The following GFOD1 variants were observed in gnomAD, a reference collection of about 807,000 sequenced individuals.
GFOD1 encodes the protein Gfo/Idh/MocA-like oxidoreductase domain containing 1.
GFOD1 carries 9 observed loss-of-function variants against 25.4 expected under a neutral mutation model. The ratio of observed to expected loss-of-function variants is 0.35; its 90% CI spans 0.21 to 0.62. GFOD1 has a LOEUF of 0.62. Ranked by LOEUF, GFOD1 falls within the 20% of genes least tolerant of loss-of-function variation. The pLI, the probability that GFOD1 is intolerant of heterozygous loss-of-function variation, is 0.72. For missense variants in GFOD1, 403 were observed against 556.9 expected (o/e 0.72, Z 2.78); for synonymous variants, 253 against 245.6 (o/e 1.03, Z -0.28).
chr6:13,421,621 T>C (rs1268317372), intron 1 of GFOD1, among the ~76,000 whole-genome samples: 1 of 152,212 alleles, frequency 6.6e-6, no homozygotes, highest in South Asian at 2.1e-4. Flanking sequence ...AAAAGGCATA[T>C]GCCGCCCACC....
chr6:13,411,703 G>C (rs1039877666), intron 1 of GFOD1, among the ~76,000 whole-genome samples: 1 of 152,190 alleles, frequency 6.6e-6, no homozygotes, highest in Admixed American at 6.5e-5. Flanking sequence ...ACTGATGAAG[G>C]CCTGCCATCC....
At chr6:13,382,715 A>C (rs1217672219) in intron 1 of GFOD1, among the ~76,000 whole-genome samples, 1 of 152,220 alleles carries the variant, frequency 6.6e-6, no homozygotes, top group Non-Finnish European at 1.5e-5. Flanking sequence ...CAGGTTTGTT[A>C]CATAGGTAAA....
chr6:13,366,054 C>T (rs1785041593), intron 1 of GFOD1, among the ~76,000 whole-genome samples: 1 of 151,094 alleles, frequency 6.6e-6, no homozygotes, highest in Admixed American at 6.6e-5. Flanking sequence ...TATGTTCTGG[C>T]CACTGCACTC....
chr6:13,429,758 A>T (rs983482866), intron 1 of GFOD1, among the ~76,000 whole-genome samples: 1 of 152,222 alleles, frequency 6.6e-6, no homozygotes, highest in African/African-American at 2.4e-5. Context: ...ACCCTAGGTA[A>T]TAAGGGAAGT....
rs1331592843 is a variant in GFOD1 at position 13,364,138 on chromosome 6, C to G, written c.*605G>C. 6.5e-6 allele frequency: 1 copy of G among 152,702 alleles called. No individual in the cohort carries two copies. The highest frequency in any genetic ancestry group is 1.9e-4 in the East Asian group (1 of 5,174). 9.5% of individuals were successfully genotyped at this position (152,702 alleles called of 1,614,324 possible). A position where few individuals can be genotyped will look rare whatever the true frequency, so the allele number is the denominator to read the frequency against. On this transcript the variant is annotated 3_prime_UTR_variant, in exon 2 of 2. Transcript: ENST00000379287. This position sits in a 1 kb window ranked among gnomAD's most constrained non-coding sequence, Gnocchi z 4.1. ...ACCCTCAGTGCTTCCTATGAGGAAGCCCAATCAATCAAAAGGTGGCCACTT... is the reference window on the plus strand; with the variant it reads ...ACCCTCAGTGCTTCCTATGAGGAAGGCCAATCAATCAAAAGGTGGCCACTT...
At chr6:13,393,459 G>A (rs1411580876) in intron 1 of GFOD1, among the ~76,000 whole-genome samples, 1 of 149,228 alleles carries the variant, frequency 6.7e-6, no homozygotes, top group Non-Finnish European at 1.5e-5. Context: ...TGCCATCCTT[G>A]TAGAAAGGAC....
intron 1 of GFOD1, among the ~76,000 whole-genome samples, chr6:13,394,656 A>G (rs1177952533): frequency 6.8e-6 from 1 of 148,078 alleles, no homozygotes; most frequent in Non-Finnish European, 1.5e-5. Context: ...TTTTTTTGAG[A>G]CAGTCTCGCT....
intron 1 of GFOD1, among the ~76,000 whole-genome samples, chr6:13,375,835 A>C (rs1288684280): frequency 2.6e-5 from 4 of 152,200 alleles, no homozygotes; most frequent in Non-Finnish European, 5.9e-5. Flanking sequence ...CTAATGACGG[A>C]AACTATCACA....
At chr6:13,476,449 G>A (rs76518974) in intron 1 of GFOD1, among the ~76,000 whole-genome samples, 16 of 152,284 alleles carry the variant, frequency 1.1e-4, no homozygotes, top group Non-Finnish European at 2.1e-4. Context: ...GTGGGAGTGA[G>A]GATTGACTGC....
chr6:13,439,433 C>G (rs1201867825), intron 1 of GFOD1, among the ~76,000 whole-genome samples: 2 of 152,216 alleles, frequency 1.3e-5, no homozygotes, highest in Non-Finnish European at 2.9e-5. Flanking sequence ...ATTCCCTTGC[C>G]TCCCTTCTAG....
intron 1 of GFOD1, among the ~76,000 whole-genome samples, chr6:13,395,379 A>G (rs500197): frequency 0.65 from 98,420 of 152,034 alleles, 32,908 homozygotes; most frequent in South Asian, 0.74. Flanking sequence ...TAAAGAGCCT[A>G]TAAACCACCC....
At chr6:13,375,216 G>C (rs1785234018) in intron 1 of GFOD1, among the ~76,000 whole-genome samples, 2 of 152,092 alleles carry the variant, frequency 1.3e-5, no homozygotes, top group East Asian at 1.9e-4. Flanking sequence ...CTGAACTTTT[G>C]CACCCTTGCT....
chr6:13,451,243 C>T (rs946061824), intron 1 of GFOD1, among the ~76,000 whole-genome samples: 67 of 152,252 alleles, frequency 4.4e-4, no homozygotes, highest in African/African-American at 1.2e-3. Context: ...CTTTCTCTTC[C>T]GCCAGACTCT....
intron 1 of GFOD1, among the ~76,000 whole-genome samples, chr6:13,442,024 C>T (rs1757925353): frequency 6.6e-6 from 1 of 152,180 alleles, no homozygotes; most frequent in Admixed American, 6.5e-5. Context: ...GCCAATTCTC[C>T]TAATAACACA....
chr6:13,422,068 C>A (rs1482350285), intron 1 of GFOD1, among the ~76,000 whole-genome samples: 1 of 152,126 alleles, frequency 6.6e-6, no homozygotes, highest in Non-Finnish European at 1.5e-5. Context: ...GGGTCCCCTC[C>A]CCTTTTTCAC....
intron 1 of GFOD1, among the ~76,000 whole-genome samples, chr6:13,412,168 A>G (rs1418859157): frequency 6.6e-6 from 1 of 152,212 alleles, no homozygotes; most frequent in Non-Finnish European, 1.5e-5. Flanking sequence ...AAATTCATAT[A>G]TTGAAGCTCA....
intron 1 of GFOD1, among the ~76,000 whole-genome samples, chr6:13,402,238 AAGGAAACAC>A (rs1344670986): frequency 1.3e-5 from 2 of 152,210 alleles, no homozygotes; most frequent in Non-Finnish European, 2.9e-5. Flanking sequence ...AAACTCTCCA[AAGGAAACAC>A]AGGAGTAAAA....
At chr6:13,396,361 G>C (rs1785730401) in intron 1 of GFOD1, among the ~76,000 whole-genome samples, 1 of 152,126 alleles carries the variant, frequency 6.6e-6, no homozygotes, top group African/African-American at 2.4e-5. Context: ...TGGCTCTGAG[G>C]GGCCATGTGC....
At position 13,486,713 on chromosome 6, in the gene GFOD1, G is replaced by A. The variant is rs1758879970; in HGVS notation, c.178C>T (p.Leu60=). ...FYTSRIDEVL[L]HQDVDLVCIN... Reference sequence around the variant, plus strand: ...CACACCAAGTCCACGTCCTGATGCAGCAGCACCTCATCAATGCGGCTAGTG... The same window carrying A: ...CACACCAAGTCCACGTCCTGATGCAACAGCACCTCATCAATGCGGCTAGTG... The change falls in exon 1 of 2, where the codon CTG becomes TTG. Residue 60 remains leucine, a synonymous_variant. Coordinates refer to ENST00000379287, the MANE Select transcript of GFOD1 (RefSeq NM_018988.4). 6.2e-7 allele frequency: 1 copy of A among 1,614,108 alleles called. No individual in the cohort carries two copies. The highest frequency in any genetic ancestry group is 1.1e-5 in the South Asian group (1 of 91,084).
Sources: allele counts gnomAD v4.1 joint callset (sites outside exome capture counted in the v4.1 genomes callset), GRCh38; gene constraint gnomAD v4.1.1; non-coding constraint Gnocchi (gnomAD v3.1); transcripts MANE v1.5; gene names NCBI Gene and HGNC (gene_info 2026-07-23, HGNC 2026-07-21).